The following LAMA4 variants were observed in gnomAD, a reference collection of about 807,000 sequenced individuals.
LAMA4 encodes laminin subunit alpha-4.
LAMA4 carries 127 observed loss-of-function variants against 207.1 expected under a neutral mutation model. The observed-to-expected ratio is 0.61, with a 90% CI of 0.53 to 0.71. The LOEUF (loss-of-function observed/expected upper bound fraction) is 0.71, where lower values mean the gene tolerates loss of function less well. Ranked by LOEUF, LAMA4 falls within the 30% of genes least tolerant of loss-of-function variation. LAMA4 has a pLI of 0.00. For synonymous variants in LAMA4, 761 were observed against 816.0 expected, an observed-to-expected ratio of 0.93 and a Z score of 1.15; for missense variants, 2,093 against 2,246.5, an observed-to-expected ratio of 0.93 and a Z score of 1.38.
chr6:112,181,401 C>T (rs1330930873), intron 9 of LAMA4, among the ~76,000 whole-genome samples: 4 of 152,286 alleles, frequency 2.6e-5, no homozygotes, highest in Middle Eastern at 3.4e-3. Flanking sequence ...TGGGAAGGTT[C>T]TTCACAATTG....
chr6:112,114,051 C>T (rs1554322313), intron 38 of LAMA4, 25 bp downstream of exon 38: 1 of 1,613,398 alleles, frequency 6.2e-7, no homozygotes, highest in South Asian at 1.1e-5. Flanking sequence ...GGATTGGGAA[C>T]TTTTCCTTTT....
intron 12 of LAMA4, chr6:112,172,209 C>A (rs1781756886): frequency 4.1e-6 from 1 of 244,524 alleles, no homozygotes; most frequent in Non-Finnish European, 8.1e-6. Context: ...CCTGCAGCTG[C>A]TGACCAGCCA....
At chr6:112,174,758 TG>T (rs1781923705) in intron 11 of LAMA4, among the ~76,000 whole-genome samples, 1 of 152,226 alleles carries the variant, frequency 6.6e-6, no homozygotes, top group African/African-American at 2.4e-5. Flanking sequence ...CCCAAAGTGC[TG>T]GGATTACAGG....
Position 112,178,220 on chromosome 6 carries a change from A to G in LAMA4, c.1090T>C (p.Ser364Pro). 1 of 1,612,960 alleles carries G rather than the reference A, an allele frequency of 6.2e-7. No homozygotes were observed. The highest frequency in any genetic ancestry group is 8.5e-7 in the Non-Finnish European group (1 of 1,179,074). Residue 364 changes from serine to proline, a missense_variant, in exon 10 of 39, where the codon TCC becomes CCC. Ser to Pro is a moderately conservative substitution (Grantham distance 74). This residue lies in a region of LAMA4 where 1,704 missense variants were observed against 1,788.4 expected (regional missense o/e 0.95). Transcript: ENST00000230538. ...EELVEKENQA[S>P]RKGQLVQKES... ...TTCTGAACAAGTTGTCCTTTTCTGG[A>G]GGCTTGATTTTCCTACAAATAATCC...
In LAMA4 at chr6:112,130,303, TGTG is replaced by T. The variant is rs1778962189; in HGVS notation, c.3969-266_3969-264del. On this transcript the variant is annotated intron_variant, in intron 29 of 38. Coordinates refer to ENST00000230538, the MANE Select transcript of LAMA4 (RefSeq NM_001105206.3). The stretch of plus-strand genomic sequence containing the variant: ...TGACTAGTCATCAGCATTATTTTTG[TGTG>T]TGTGTGTGTGTGTGTGTGTGTGTGT... 23 of 392,480 alleles carry T rather than the reference TGTG, an allele frequency of 5.9e-5. No homozygotes were observed. In the African/African-American group the frequency reaches 6.1e-4, roughly 10 times the overall value. The allele number at this position is 392,480 out of a possible 1,614,324, so 24.3% of individuals were successfully genotyped here. A position where few individuals can be genotyped will look rare whatever the true frequency, so the allele number is the denominator to read the frequency against.
At chr6:112,249,088 T>C (rs1584019871) in intron 2 of LAMA4, among the ~76,000 whole-genome samples, 1 of 152,330 alleles carries the variant, frequency 6.6e-6, no homozygotes, top group South Asian at 2.1e-4. Context: ...TTGTAACTTA[T>C]GCTACTCATC....
At chr6:112,159,643 C>T (rs1374854200) in intron 13 of LAMA4, 1 of 152,610 alleles carries the variant, frequency 6.6e-6, no homozygotes, top group African/African-American at 2.4e-5. Context: ...CACCCACCCC[C>T]ATCTGATTGT....
chr6:112,166,744 T>C (rs1374420874), intron 12 of LAMA4, among the ~76,000 whole-genome samples: 1 of 152,166 alleles, frequency 6.6e-6, no homozygotes, highest in Non-Finnish European at 1.5e-5. Context: ...TTGAAACAAA[T>C]AAAGATATTT....
intron 36 of LAMA4, among the ~76,000 whole-genome samples, chr6:112,115,298 C>T (rs1777949903): frequency 6.6e-6 from 1 of 150,824 alleles, no homozygotes; most frequent in Non-Finnish European, 1.5e-5. Context: ...TGTACTAGAA[C>T]CCAAATAAAA....
chr6:112,185,441 G>T, intron 8 of LAMA4, 94 bp from the exon 9 acceptor site: 1 of 788,634 alleles, frequency 1.3e-6, no homozygotes. Flanking sequence ...ACTCAGAGTA[G>T]AGTGTGAGGC....
rs1221364486 is a variant in LAMA4, at chr6:112,241,181, GA to G, written c.195+12774del. ...TATATGAATATATATGAATATATATGAATATATATGAATATATATGATATAT... is the reference window on the plus strand; with the variant it reads ...TATATGAATATATATGAATATATATGATATATATGAATATATATGATATAT... On this transcript the variant is annotated intron_variant, in intron 2 of 38. Coordinates refer to ENST00000230538, the MANE Select transcript of LAMA4 (RefSeq NM_001105206.3). 7.9e-5 allele frequency among the ~76,000 whole-genome samples: 9 copies of G among 113,222 alleles called. 1 individual carries two copies. The highest frequency in any genetic ancestry group is 2.3e-4 in the African/African-American group (8 of 34,056). The allele number at this position is 113,222 out of a possible 152,430, so 74.3% of individuals were successfully genotyped here.
chr6:112,211,610 T>C (rs1399663682), intron 3 of LAMA4, among the ~76,000 whole-genome samples: 1 of 152,164 alleles, frequency 6.6e-6, no homozygotes, highest in African/African-American at 2.4e-5. Flanking sequence ...AGAAAGTACA[T>C]ACCTGTTATG....
intron 7 of LAMA4, 125 bp from the exon 8 acceptor site, chr6:112,187,726 G>T: frequency 1.0e-6 from 1 of 971,338 alleles, no homozygotes; most frequent in Non-Finnish European, 1.6e-6. Context: ...ATGAAGAGCT[G>T]TAATTCTATT....
chr6:112,154,921 G>C lies in LAMA4; in HGVS notation c.1986C>G (p.Ile662Met). The change falls in exon 16 of 39, where the codon ATC becomes ATG. Residue 662 changes from isoleucine (I) to methionine (M), a missense_variant. Physicochemically the swap from Ile to Met is conservative, Grantham distance 10. Around this residue, in one of 3 missense-constraint regions of LAMA4, gnomAD observed 1,704 missense variants for 1,788.4 expected, o/e 0.95. Coordinates refer to ENST00000230538, the MANE Select transcript of LAMA4 (RefSeq NM_001105206.3). Reference protein sequence around the residue: ...YDAVSGIDTQIIYHKDESENL... With the variant: ...YDAVSGIDTQMIYHKDESENL... ...TCTCACTTTCATCTTTATGGTAAAT[G>C]ATTTGAGTATCAATCCCACTCACCG... is the stretch of plus-strand genomic sequence containing the variant. 2.5e-6 allele frequency: 4 copies of C among 1,612,858 alleles called. No homozygotes were observed. Among genetic ancestry groups the C allele is most frequent in the Non-Finnish European group, 3.4e-6 (4 of 1,178,980 alleles).
intron 26 of LAMA4, among the ~76,000 whole-genome samples, chr6:112,133,819 A>G (rs1414658159): frequency 6.6e-6 from 1 of 152,248 alleles, no homozygotes; most frequent in Non-Finnish European, 1.5e-5. Context: ...AGGAACTAAC[A>G]TGTTACACAG....
At chr6:112,247,701 C>A (rs1205099975) in intron 2 of LAMA4, among the ~76,000 whole-genome samples, 3 of 152,150 alleles carry the variant, frequency 2.0e-5, no homozygotes, top group Non-Finnish European at 2.9e-5. Context: ...TTAAAACTTT[C>A]TCTGTACCAT....
chr6:112,242,479 C>T (rs1786589442), intron 2 of LAMA4, among the ~76,000 whole-genome samples: 1 of 152,192 alleles, frequency 6.6e-6, no homozygotes, highest in South Asian at 2.1e-4. Context: ...TCAAGCCCAC[C>T]TGTATTTGAG....
intron 33 of LAMA4, 59 bp downstream of exon 33, chr6:112,120,224 G>T: frequency 7.4e-7 from 1 of 1,357,306 alleles, no homozygotes; most frequent in Non-Finnish European, 1.0e-6. Flanking sequence ...AGGCCCATTA[G>T]TGTCCATTTG....
At chr6:112,252,059 A>G (rs1554189967) in intron 2 of LAMA4, among the ~76,000 whole-genome samples, 1 of 152,230 alleles carries the variant, frequency 6.6e-6, no homozygotes, top group Non-Finnish European at 1.5e-5. Context: ...CATCATCCAC[A>G]TTTTTTATAG....
Sources: gnomAD v4.1 joint callset for allele counts (sites outside exome capture counted in the v4.1 genomes callset) on GRCh38, gnomAD v4.1.1 for gene constraint, gnomAD v4.1.1 regional missense constraint, MANE v1.5 for transcripts, NCBI Gene and HGNC (gene_info 2026-07-23, HGNC 2026-07-21) for gene names.